Variants in PDK1 observed in about 807,000 individuals in gnomAD.
PDK1 encodes pyruvate dehydrogenase kinase 1.
PDK1 carries 39 observed loss-of-function variants against 54.2 expected under a neutral mutation model. That is an observed-to-expected ratio of 0.72 (90% CI 0.56 to 0.94). PDK1 has a LOEUF of 0.94. Among genes scored for constraint, PDK1 ranks in the 40% least tolerant of loss-of-function variants. PDK1 has a pLI of 0.00. For synonymous variants in PDK1, 221 were observed against 207.1 expected (o/e 1.07, Z -0.58); for missense variants, 552 against 566.0 (o/e 0.98, Z 0.25).
the PDK1 span, among the ~76,000 whole-genome samples, chr2:172,672,511 C>T: frequency 6.6e-6 from 1 of 152,154 alleles, no homozygotes; most frequent in Non-Finnish European, 1.5e-5. Context: ...AAGCACACCT[C>T]GTTTAATTGT....
chr2:172,634,096 G>A, the PDK1 span, among the ~76,000 whole-genome samples: 2 of 150,652 alleles, frequency 1.3e-5, no homozygotes, highest in East Asian at 1.9e-4. Context: ...GGCTGGTCTC[G>A]AACTCCTGAG....
chr2:172,558,398 G>C (rs1688468575), intron 1 of PDK1: 1 of 233,496 alleles, frequency 4.3e-6, no homozygotes, highest in African/African-American at 2.3e-5. Context: ...GCTCAGACAT[G>C]CTCAGGTTAC....
At chr2:172,649,595 A>G in the PDK1 span, among the ~76,000 whole-genome samples, 2 of 152,194 alleles carry the variant, frequency 1.3e-5, no homozygotes, top group South Asian at 2.1e-4. Flanking sequence ...TTGAAAAAAA[A>G]CTTAGATGAA....
chr2:172,568,828 T>C lies in PDK1; in HGVS notation c.846+11T>C. The C allele has an allele frequency of 6.9e-7, 1 of 1,458,700 alleles. No homozygotes were observed. Among genetic ancestry groups the C allele is most frequent in the Non-Finnish European group, 9.6e-7 (1 of 1,038,094 alleles). The allele number at this position is 1,458,700 out of a possible 1,614,324, so 90.4% of individuals were successfully genotyped here. A position where few individuals can be genotyped will look rare whatever the true frequency, so the allele number is the denominator to read the frequency against. ...TTTGAACTTTTCAAGGTTTGTAAAA[T>C]AGTATTACATAACCTTTACCAGTAC... On this transcript the variant is annotated intron_variant, in intron 7 of 10. Transcript: ENST00000282077.
chr2:172,649,655 A>G, the PDK1 span, among the ~76,000 whole-genome samples: 1 of 152,216 alleles, frequency 6.6e-6, no homozygotes, highest in Admixed American at 6.5e-5. Flanking sequence ...GACCTGATGG[A>G]GCTGGAAACC....
At chr2:172,637,663 C>T in the PDK1 span, among the ~76,000 whole-genome samples, 1 of 152,092 alleles carries the variant, frequency 6.6e-6, no homozygotes, top group Non-Finnish European at 1.5e-5. Flanking sequence ...GCTCTCTTCT[C>T]TACTTCTACA....
chr2:172,619,972 C>G, the PDK1 span, among the ~76,000 whole-genome samples: 1 of 152,168 alleles, frequency 6.6e-6, no homozygotes, highest in Non-Finnish European at 1.5e-5. Flanking sequence ...CGAGACCAGC[C>G]TGGCCAACAT....
rs1373518027 is a variant in PDK1 at position 172,608,590 on chromosome 2, A to G, written c.*12621A>G. 6.6e-6 allele frequency: 1 copy of G among 152,070 alleles called. No individual in the cohort carries two copies. The highest frequency in any genetic ancestry group is 1.5e-5 in the Non-Finnish European group (1 of 68,016). The allele number at this position is 152,070 out of a possible 1,614,324, so 9.4% of individuals were successfully genotyped here. On this transcript the variant is annotated 3_prime_UTR_variant, in exon 11 of 11. Transcript: ENST00000282077. ...ATGGCCATTTTATCACCTCCAAACT[A>G]TCTTTTATTTTTTTGAATTGTATCT...
At chr2:172,562,971 A>C (rs968985284) in intron 3 of PDK1, among the ~76,000 whole-genome samples, 2 of 152,246 alleles carry the variant, frequency 1.3e-5, no homozygotes, top group Non-Finnish European at 2.9e-5. Flanking sequence ...GTGAACAGTA[A>C]CACTTCATTT....
At position 172,556,309 on chromosome 2, in the gene PDK1, GC is replaced by G; in HGVS notation, c.161del (p.Pro54ArgfsTer6). 6.7e-7 allele frequency: 1 copy of G among 1,501,228 alleles called. No homozygotes were observed. The highest frequency in any genetic ancestry group is 1.3e-5 in the South Asian group (1 of 77,584). 93.0% of individuals were successfully genotyped at this position (1,501,228 alleles called of 1,614,324 possible). A position where few individuals can be genotyped will look rare whatever the true frequency, so the allele number is the denominator to read the frequency against. On this transcript the variant is annotated frameshift_variant, in exon 1 of 11. Coordinates refer to ENST00000282077, the MANE Select transcript of PDK1 (RefSeq NM_002610.5). LOFTEE classifies it high-confidence loss of function. ...GQVDFYARFS[P>X]SPLSMKQFLD... ...AGGTGGACTTCTACGCGCGCTTCTC[GC>G]CGTCCCCGCTCTCCATGAAGCAGTT...
the PDK1 span, among the ~76,000 whole-genome samples, chr2:172,619,513 T>C: frequency 9.9e-5 from 15 of 151,876 alleles, no homozygotes; most frequent in Non-Finnish European, 1.9e-4. Context: ...TCTAAAAGCA[T>C]AAGCTTCAGA....
At chr2:172,633,381 C>CTTTTTTTTTTTTT in the PDK1 span, among the ~76,000 whole-genome samples, 1 of 103,994 alleles carries the variant, frequency 9.6e-6, no homozygotes, top group Non-Finnish European at 1.9e-5. Flanking sequence ...GATTTTCTTT[C>CTTTTTTTTTTTTT]TTTTTTTTTT....
chr2:172,559,581 T>G (rs1436662614), intron 2 of PDK1, among the ~76,000 whole-genome samples: 1 of 152,184 alleles, frequency 6.6e-6, no homozygotes, highest in Admixed American at 6.5e-5. Flanking sequence ...GGAATCTTGC[T>G]CTGTTGCCCA....
the PDK1 span, among the ~76,000 whole-genome samples, chr2:172,704,860 C>T: frequency 1.2e-4 from 19 of 152,252 alleles, no homozygotes; most frequent in South Asian, 6.2e-4. Flanking sequence ...AACTTTTCCC[C>T]GTACTCTTGA....
chr2:172,577,442 T>C (rs1382790968), intron 8 of PDK1, among the ~76,000 whole-genome samples: 32 of 152,118 alleles, frequency 2.1e-4, no homozygotes, highest in Admixed American at 2.1e-3. Context: ...ATAATTACTA[T>C]TAATGTAATT....
At chr2:172,580,923 GA>G (rs1162732171) in intron 8 of PDK1, among the ~76,000 whole-genome samples, 1 of 152,210 alleles carries the variant, frequency 6.6e-6, no homozygotes, top group Non-Finnish European at 1.5e-5. Context: ...TATAGGGACA[GA>G]AAGTAGATTA....
intron 7 of PDK1, 164 bp from the exon 8 acceptor site, chr2:172,570,562 T>C (rs1689189724): frequency 2.1e-6 from 1 of 482,040 alleles, no homozygotes; most frequent in African/African-American, 2.0e-5. Context: ...CCCCCCCAAA[T>C]TGACTCCATT....
At chr2:172,668,810 A>G in the PDK1 span, among the ~76,000 whole-genome samples, 1 of 147,108 alleles carries the variant, frequency 6.8e-6, no homozygotes, top group African/African-American at 2.5e-5. Context: ...ATATATATAC[A>G]TTATATATAT....
intron 3 of PDK1, 82 bp downstream of exon 3, chr2:172,562,373 A>G (rs756033760): frequency 4.5e-4 from 380 of 836,376 alleles, no homozygotes; most frequent in Non-Finnish European, 7.1e-4. Context: ...GGTTTCTACT[A>G]CTTTAGAACA....
Sources: gnomAD v4.1 joint callset for allele counts (sites outside exome capture counted in the v4.1 genomes callset) on GRCh38, gnomAD v4.1.1 for gene constraint, MANE v1.5 for transcripts, NCBI Gene and HGNC (gene_info 2026-07-23, HGNC 2026-07-21) for gene names.